KIF21A: variants seen among roughly 807,000 people sequenced by gnomAD.
KIF21A encodes kinesin family member 21A, also known as kinesin-like protein KIF21A.
In KIF21A, 114 loss-of-function variants were observed where a neutral mutation model predicts 202.9. The observed-to-expected ratio is 0.56, with a 90% confidence interval of 0.48 to 0.66. The LOEUF (loss-of-function observed/expected upper bound fraction) is 0.66. KIF21A is among the 30% of genes least tolerant of loss of function. The pLI is 0.00. For synonymous variants in KIF21A, 667 were observed against 670.8 expected, an observed-to-expected ratio of 0.99 and a Z score of 0.09; for missense variants, 1,677 against 1,994.9, an observed-to-expected ratio of 0.84 and a Z score of 3.04.
intron 1 of KIF21A, among the ~76,000 whole-genome samples, chr12:39,432,907 C>A (rs75959255): frequency 0.019 from 2,906 of 151,970 alleles, 48 homozygotes; most frequent in Middle Eastern, 0.068. Context: ...CACCACACGA[C>A]GACCAAGATG....
intron 1 of KIF21A, among the ~76,000 whole-genome samples, chr12:39,427,821 G>C (rs906361653): frequency 2.0e-5 from 3 of 152,136 alleles, no homozygotes; most frequent in African/African-American, 7.2e-5. Flanking sequence ...ACCACACCCA[G>C]CTAATTTTTG....
intron 1 of KIF21A, among the ~76,000 whole-genome samples, chr12:39,390,364 G>A (rs1951257847): frequency 6.6e-6 from 1 of 152,072 alleles, no homozygotes; most frequent in Admixed American, 6.5e-5. Context: ...AAAGACAATA[G>A]CACTCAATTT....
intron 17 of KIF21A, among the ~76,000 whole-genome samples, 177 bp downstream of exon 17, chr12:39,336,919 A>G (rs1947024949): frequency 6.6e-6 from 1 of 152,192 alleles, no homozygotes; most frequent in Admixed American, 6.5e-5. Context: ...GAACTCTTAT[A>G]CTGAATTACC....
At position 39,442,503 on chromosome 12, in the gene KIF21A, T is replaced by A. The variant is rs1374966710; in HGVS notation, c.44+424A>T. On this transcript the variant is annotated intron_variant, in intron 1 of 37. Coordinates refer to ENST00000361418, the MANE Select transcript of KIF21A (RefSeq NM_001173464.2). The surrounding 1 kb of genome is among the most constrained non-coding windows in gnomAD (Gnocchi z 5.0). ...AAGGCCGGAGCTGCATGGACACGTATGACAGACATTCTAGAACTAATAAAA... is the reference window on the plus strand; with the variant it reads ...AAGGCCGGAGCTGCATGGACACGTAAGACAGACATTCTAGAACTAATAAAA... 6.6e-6 allele frequency among the ~76,000 whole-genome samples: 1 copy of A among 152,128 alleles called. No individual in the cohort carries two copies. The highest frequency in any genetic ancestry group is 1.5e-5 in the Non-Finnish European group (1 of 68,014).
intron 35 of KIF21A, among the ~76,000 whole-genome samples, chr12:39,303,885 T>G (rs1431678721): frequency 6.6e-6 from 1 of 152,188 alleles, no homozygotes; most frequent in Non-Finnish European, 1.5e-5. Flanking sequence ...AAATAAACTT[T>G]TTAGACACTC....
chr12:39,332,808 A>C (rs1169651345), intron 19 of KIF21A, 64 bp from the exon 20 acceptor site: 1 of 1,604,940 alleles, frequency 6.2e-7, no homozygotes, highest in Non-Finnish European at 8.5e-7. Flanking sequence ...GCACTGCCAA[A>C]TAATGAGCCA....
chr12:39,369,883 C>G lies in KIF21A; in HGVS notation c.296G>C (p.Gly99Ala). ...QTGAGKTYTMGTGFDVNIVEE... is the reference protein window; with the variant it reads ...QTGAGKTYTMATGFDVNIVEE... ...AACAATGTTAACATCAAATCCTGTT[C>G]CCATTGTGTATGTTTTACCAGCTCC... Residue 99 changes from glycine (G) to alanine (A), a missense_variant, in exon 3 of 38, where the codon GGA becomes GCA. Physicochemically the swap from Gly to Ala is moderately conservative, Grantham distance 60 (BLOSUM62 0). Coordinates refer to ENST00000361418, the MANE Select transcript of KIF21A (RefSeq NM_001173464.2). 6.2e-7 allele frequency: 1 copy of G among 1,613,420 alleles called. No individual in the cohort carries two copies. Among genetic ancestry groups the G allele is most frequent in the Non-Finnish European group, 8.5e-7 (1 of 1,179,630 alleles).
At chr12:39,417,098 G>A (rs969898642) in intron 1 of KIF21A, among the ~76,000 whole-genome samples, 1 of 151,668 alleles carries the variant, frequency 6.6e-6, no homozygotes, top group Non-Finnish European at 1.5e-5. Context: ...AATGGGGCCA[G>A]AAGAAAAATG....
chr12:39,432,839 G>C (rs984699474), intron 1 of KIF21A, among the ~76,000 whole-genome samples: 90 of 152,058 alleles, frequency 5.9e-4, no homozygotes, highest in African/African-American at 2.1e-3. Context: ...TCAGACTTCT[G>C]ACCTCAAGTG....
chr12:39,357,908 C>CAAAAAAAAAA lies in KIF21A; in HGVS notation c.1215+260_1215+269dup, dbSNP rs56035929. Reference sequence around the variant, plus strand: ...TGGGTGATAGAGGGAGACTCCATCTCAAAAAAAAAAAAAAAAAAAAAAAAA... The same window carrying CAAAAAAAAAA: ...TGGGTGATAGAGGGAGACTCCATCTCAAAAAAAAAAAAAAAAAAAAAAAAAAAAAAAAAAA... On this transcript the variant is annotated intron_variant, in intron 8 of 37. Transcript: ENST00000361418. Among the ~76,000 whole-genome samples, 50 of 36,702 alleles carry CAAAAAAAAAA rather than the reference C, an allele frequency of 1.4e-3. 11 individuals are homozygous for CAAAAAAAAAA. The highest frequency in any genetic ancestry group is 3.3e-3 in the South Asian group (2 of 612). The allele number at this position is 36,702 out of a possible 152,430, so 24.1% of individuals were successfully genotyped here.
At chr12:39,310,200 T>C (rs1208511777) in intron 32 of KIF21A, among the ~76,000 whole-genome samples, 2 of 152,120 alleles carry the variant, frequency 1.3e-5, no homozygotes, top group African/African-American at 2.4e-5. Flanking sequence ...GATTGATAAA[T>C]TATATTTTTA....
chr12:39,363,308 CATAAT>C (rs760229095), intron 6 of KIF21A, 95 bp from the exon 7 acceptor site: 2 of 714,724 alleles, frequency 2.8e-6, no homozygotes, highest in South Asian at 1.6e-5. Context: ...AATATAGAGA[CATAAT>C]ATAATTAAGA....
chr12:39,302,722 C>G (rs571912863), intron 36 of KIF21A, among the ~76,000 whole-genome samples: 1 of 152,264 alleles, frequency 6.6e-6, no homozygotes. Context: ...TGGAGCAACC[C>G]TAGATCTTTC....
intron 7 of KIF21A, among the ~76,000 whole-genome samples, chr12:39,361,711 T>C (rs1399746868): frequency 1.3e-5 from 2 of 152,028 alleles, no homozygotes; most frequent in Non-Finnish European, 2.9e-5. Context: ...TTTCACCGTG[T>C]TAGCCAGGAT....
intron 1 of KIF21A, among the ~76,000 whole-genome samples, chr12:39,438,496 A>G (rs1467278897): frequency 6.6e-6 from 1 of 152,184 alleles, no homozygotes; most frequent in Non-Finnish European, 1.5e-5. Context: ...TGCCAGTGAA[A>G]GACCTAAAAC....
chr12:39,398,327 T>C (rs565478129), intron 1 of KIF21A, among the ~76,000 whole-genome samples: 3 of 152,298 alleles, frequency 2.0e-5, no homozygotes, highest in Admixed American at 1.3e-4. Context: ...AGGCCGGACA[T>C]GGTGGTTCAT....
chr12:39,385,937 G>T (rs543855513), intron 1 of KIF21A, among the ~76,000 whole-genome samples: 2 of 152,250 alleles, frequency 1.3e-5, no homozygotes, highest in African/African-American at 4.8e-5. Context: ...TGATGCCTAG[G>T]TTACTGTACT....
At chr12:39,342,358 G>C (rs970476928) in intron 12 of KIF21A, among the ~76,000 whole-genome samples, 1 of 152,138 alleles carries the variant, frequency 6.6e-6, no homozygotes, top group Non-Finnish European at 1.5e-5. Context: ...AGAAAACACT[G>C]AGGAATAGAT....
chr12:39,378,152 C>A (rs750752979), intron 1 of KIF21A, among the ~76,000 whole-genome samples: 2 of 152,088 alleles, frequency 1.3e-5, no homozygotes, highest in Non-Finnish European at 2.9e-5. Context: ...AGTGGCTAAC[C>A]AGAAAAAGAA....
Sources: gnomAD v4.1 joint callset for allele counts (sites outside exome capture counted in the v4.1 genomes callset) on GRCh38, gnomAD v4.1.1 for gene constraint, Gnocchi (gnomAD v3.1) non-coding constraint, MANE v1.5 for transcripts, NCBI Gene and HGNC (gene_info 2026-07-23, HGNC 2026-07-21) for gene names.